Variants in HTR4 observed in about 807,000 individuals in gnomAD.
HTR4 encodes the protein 5-hydroxytryptamine (serotonin) receptor 4, G protein-coupled.
In HTR4, 16 loss-of-function variants were observed where a neutral mutation model predicts 36.8. That is an observed-to-expected ratio of 0.43 (90% confidence interval 0.29 to 0.66). The LOEUF (loss-of-function observed/expected upper bound fraction) is 0.66. Ranked by LOEUF, HTR4 falls within the 30% of genes least tolerant of loss-of-function variation. The probability of loss-of-function intolerance (pLI) is 0.13; values close to 1 mark genes in which losing one functional copy is unlikely to be tolerated. For missense variants in HTR4, 438 were observed against 490.9 expected (o/e 0.89, Z 1.02); for synonymous variants, 189 against 185.1 (o/e 1.02, Z -0.17).
intron 5 of HTR4, among the ~76,000 whole-genome samples, chr5:148,517,856 G>T (rs1246935260): frequency 6.6e-6 from 1 of 152,002 alleles, no homozygotes; most frequent in Non-Finnish European, 1.5e-5. Flanking sequence ...CTCTGCAATG[G>T]CTTCCCATTT....
intron 4 of HTR4, among the ~76,000 whole-genome samples, chr5:148,534,626 T>C (rs987631971): frequency 6.6e-6 from 1 of 152,104 alleles, no homozygotes; most frequent in Non-Finnish European, 1.5e-5. Flanking sequence ...GTGCCTTCTC[T>C]ACACCTCCAA....
chr5:148,639,209 T>C (rs1436473201), intron 1 of HTR4, among the ~76,000 whole-genome samples: 1 of 152,162 alleles, frequency 6.6e-6, no homozygotes, highest in African/African-American at 2.4e-5. Flanking sequence ...AGAATGATAT[T>C]TTTTAAATGT....
intron 4 of HTR4, among the ~76,000 whole-genome samples, 174 bp from the exon 5 acceptor site, chr5:148,523,520 TAAAA>T (rs534758839): frequency 7.1e-6 from 1 of 141,758 alleles, no homozygotes; most frequent in Non-Finnish European, 1.6e-5. Context: ...AATAAGGAAA[TAAAA>T]GAAAGAATAC....
chr5:148,610,079 G>A (rs2127279000), intron 2 of HTR4, among the ~76,000 whole-genome samples: 1 of 152,290 alleles, frequency 6.6e-6, no homozygotes, highest in South Asian at 2.1e-4. Context: ...ATTCTAATAT[G>A]ATGTTGTCCT....
chr5:148,586,600 T>G (rs1761358705), intron 2 of HTR4, among the ~76,000 whole-genome samples: 1 of 152,100 alleles, frequency 6.6e-6, no homozygotes, highest in Non-Finnish European at 1.5e-5. Context: ...CAGGATCGCA[T>G]CACCTCCCAT....
intron 5 of HTR4, among the ~76,000 whole-genome samples, chr5:148,460,286 T>C (rs1002619096): frequency 4.0e-5 from 6 of 151,856 alleles, no homozygotes; most frequent in African/African-American, 1.5e-4. Context: ...AAACTATAGA[T>C]CCAGGAAGCT....
intron 5 of HTR4, among the ~76,000 whole-genome samples, chr5:148,452,157 A>T (rs1015813947): frequency 5.3e-5 from 8 of 152,230 alleles, no homozygotes; most frequent in African/African-American, 1.9e-4. Flanking sequence ...ATTTGTATTG[A>T]CAAATTGGTT....
intron 2 of HTR4, among the ~76,000 whole-genome samples, chr5:148,588,527 CTTTTTTT>C (rs35749777): frequency 2.7e-5 from 3 of 110,138 alleles, no homozygotes; most frequent in South Asian, 3.2e-4. Flanking sequence ...GGTTTTAATT[CTTTTTTT>C]TTTTTTTTTT....
chr5:148,651,974 G>T (rs1754053352), intron 1 of HTR4, among the ~76,000 whole-genome samples: 1 of 152,054 alleles, frequency 6.6e-6, no homozygotes, highest in Admixed American at 6.6e-5. Context: ...ACATTTCACA[G>T]GTGAAGAAAC....
At chr5:148,464,034 C>CAAAAAA (rs34212190) in intron 5 of HTR4, among the ~76,000 whole-genome samples, 2 of 99,688 alleles carry the variant, frequency 2.0e-5, no homozygotes, top group Non-Finnish European at 2.1e-5. Context: ...CATTGACATG[C>CAAAAAA]AAAAAAAAAA....
chr5:148,595,314 G>A (rs1025586445), intron 2 of HTR4, among the ~76,000 whole-genome samples: 10 of 151,974 alleles, frequency 6.6e-5, no homozygotes, highest in Non-Finnish European at 1.0e-4. Flanking sequence ...GCACCACCAC[G>A]ACCAATGGAC....
At chr5:148,599,495 A>G (rs1761903110) in intron 2 of HTR4, among the ~76,000 whole-genome samples, 1 of 152,194 alleles carries the variant, frequency 6.6e-6, no homozygotes, top group Non-Finnish European at 1.5e-5. Flanking sequence ...CAATACTGAA[A>G]GAAAACAATA....
intron 2 of HTR4, among the ~76,000 whole-genome samples, chr5:148,565,385 G>C (rs1327234040): frequency 1.3e-5 from 2 of 152,112 alleles, no homozygotes; most frequent in African/African-American, 4.8e-5. Flanking sequence ...CCAGAGAAAA[G>C]AGATAATGAG....
At chr5:148,556,692 G>A (rs909850167) in intron 2 of HTR4, among the ~76,000 whole-genome samples, 9 of 152,144 alleles carry the variant, frequency 5.9e-5, no homozygotes, top group South Asian at 2.1e-4. Context: ...TTGATAAAAC[G>A]CAGATTCTGA....
At chr5:148,651,949 C>T (rs55802510) in intron 1 of HTR4, among the ~76,000 whole-genome samples, 29,475 of 151,906 alleles carry the variant, frequency 0.19, 3,429 homozygotes, top group East Asian at 0.4. Context: ...TAGATTCTAG[C>T]TGAAATCATT....
intron 5 of HTR4, among the ~76,000 whole-genome samples, chr5:148,512,847 C>T (rs781286115): frequency 7.9e-5 from 12 of 152,076 alleles, no homozygotes; most frequent in Non-Finnish European, 1.6e-4. Context: ...ACTAGAATCG[C>T]TTGAACCCGG....
chr5:148,458,046 A>G (rs60302220), intron 5 of HTR4, among the ~76,000 whole-genome samples: 6 of 135,084 alleles, frequency 4.4e-5, no homozygotes, highest in South Asian at 2.2e-4. Flanking sequence ...TATATATTAA[A>G]ATATATTATA....
At chr5:148,635,082 A>G (rs555200387) in intron 2 of HTR4, among the ~76,000 whole-genome samples, 1 of 152,300 alleles carries the variant, frequency 6.6e-6, no homozygotes, top group South Asian at 2.1e-4. Flanking sequence ...CTACATTTAC[A>G]TTTTAAATAA....
At chr5:148,571,794 G>T (rs1264249826) in intron 2 of HTR4, among the ~76,000 whole-genome samples, 1 of 152,030 alleles carries the variant, frequency 6.6e-6, no homozygotes, top group Non-Finnish European at 1.5e-5. Context: ...AGGGGCAGAG[G>T]TGGCACACTA....
Sources: allele counts gnomAD v4.1 joint callset (sites outside exome capture counted in the v4.1 genomes callset), GRCh38; gene constraint gnomAD v4.1.1; transcripts MANE v1.5; gene names NCBI Gene and HGNC (gene_info 2026-07-23, HGNC 2026-07-21).